Variants in AGPS observed in about 807,000 individuals in gnomAD.
AGPS encodes the protein alkyldihydroxyacetonephosphate synthase, peroxisomal.
In AGPS, 26 loss-of-function variants were observed where a neutral mutation model predicts 90.7. The ratio of observed to expected loss-of-function variants is 0.29; its 90% CI spans 0.21 to 0.40. AGPS has a LOEUF of 0.40. Among genes scored for constraint, AGPS ranks in the 10% least tolerant of loss-of-function variants. The probability of loss-of-function intolerance (pLI) is 1.00; values close to 1 mark genes in which losing one functional copy is unlikely to be tolerated. For missense variants in AGPS, 540 were observed against 816.1 expected, an observed-to-expected ratio of 0.66 and a Z score of 4.12; for synonymous variants, 294 against 285.3, an observed-to-expected ratio of 1.03 and a Z score of -0.31.
chr2:177,523,783 G>A lies in AGPS; in HGVS notation c.1833G>A (p.Gly611=), dbSNP rs1435058258. 6.2e-7 allele frequency: 1 copy of A among 1,613,916 alleles called. No homozygotes were observed. Among genetic ancestry groups the A allele is most frequent in the Non-Finnish European group, 8.5e-7 (1 of 1,179,836 alleles). The change falls in exon 19 of 20, where the codon GGG becomes GGA. Residue 611 remains glycine (G), a synonymous_variant. Transcript: ENST00000264167. ...AAREEILANG[G]SLSHHHGVGK... is the part of the protein sequence containing the mutation. ...GAGAAGAAATCCTTGCTAATGGAGGGAGCCTGTCACATCACCATGGAGGTA... is the reference window on the plus strand; with the variant it reads ...GAGAAGAAATCCTTGCTAATGGAGGAAGCCTGTCACATCACCATGGAGGTA...
rs911146723 is a variant in AGPS, at chr2:177,540,465, C to G, written c.*2270C>G. On this transcript the variant is annotated 3_prime_UTR_variant, in exon 20 of 20. Transcript: ENST00000264167. ...TCTGATTTAGTAAATCAGAAAGCCTCCCCCTACCCCCAGCCCCCACTTTCA... is the reference window on the plus strand; with the variant it reads ...TCTGATTTAGTAAATCAGAAAGCCTGCCCCTACCCCCAGCCCCCACTTTCA... The G allele has an allele frequency of 6.6e-6, 1 of 152,060 alleles. No individual in the cohort carries two copies. The highest frequency in any genetic ancestry group is 2.4e-5 in the African/African-American group (1 of 41,350). The allele number at this position is 152,060 out of a possible 1,614,324, so 9.4% of individuals were successfully genotyped here.
At chr2:177,472,794 A>G (rs902182895) in intron 10 of AGPS, among the ~76,000 whole-genome samples, 2 of 151,730 alleles carry the variant, frequency 1.3e-5, no homozygotes, top group Non-Finnish European at 2.9e-5. Flanking sequence ...ATTTCTCTTT[A>G]TTATTTTATT....
chr2:177,519,133 G>C (rs1252016847), intron 17 of AGPS, among the ~76,000 whole-genome samples: 1 of 152,038 alleles, frequency 6.6e-6, no homozygotes, highest in African/African-American at 2.4e-5. Context: ...TGTCAGAATT[G>C]TAGTTATTTT....
chr2:177,490,686 A>G (rs1688227829), intron 11 of AGPS, among the ~76,000 whole-genome samples: 1 of 152,046 alleles, frequency 6.6e-6, no homozygotes, highest in African/African-American at 2.4e-5. Context: ...CCTTTTTTCC[A>G]GCTTTTTAAT....
At chr2:177,436,492 C>T (rs532243696) in intron 3 of AGPS, among the ~76,000 whole-genome samples, 7 of 151,714 alleles carry the variant, frequency 4.6e-5, no homozygotes, top group East Asian at 3.9e-4. Context: ...GTAGATAGTG[C>T]GAAAGTCAAG....
At chr2:177,425,098 A>G (rs893043607) in intron 2 of AGPS, among the ~76,000 whole-genome samples, 1 of 152,108 alleles carries the variant, frequency 6.6e-6, no homozygotes, top group East Asian at 1.9e-4. Flanking sequence ...TCATTTGTCA[A>G]TTTTGGCTTT....
intron 10 of AGPS, among the ~76,000 whole-genome samples, chr2:177,477,767 A>G (rs1383334883): frequency 1.3e-5 from 2 of 152,138 alleles, no homozygotes; most frequent in Non-Finnish European, 2.9e-5. Context: ...CCTTAGCCCA[A>G]TAGAGCTTTA....
intron 8 of AGPS, among the ~76,000 whole-genome samples, chr2:177,454,050 C>T (rs180908606): frequency 6.1e-5 from 9 of 147,998 alleles, no homozygotes; most frequent in African/African-American, 2.2e-4. Context: ...TGTCATGGAC[C>T]TTGGTGTAGT....
intron 1 of AGPS, among the ~76,000 whole-genome samples, chr2:177,401,576 G>C (rs1244165889): frequency 6.7e-6 from 1 of 149,522 alleles, no homozygotes; most frequent in Non-Finnish European, 1.5e-5. Context: ...ACAGAGTCTC[G>C]CTCTGTTGCC....
At chr2:177,439,795 T>C (rs534414630) in intron 5 of AGPS, among the ~76,000 whole-genome samples, 5 of 152,272 alleles carry the variant, frequency 3.3e-5, no homozygotes, top group African/African-American at 1.2e-4. Flanking sequence ...TGCCATCTCT[T>C]ATTATATCAG....
intron 8 of AGPS, among the ~76,000 whole-genome samples, chr2:177,458,008 A>C (rs540047364): frequency 1.3e-5 from 2 of 152,364 alleles, no homozygotes; most frequent in East Asian, 3.9e-4. Flanking sequence ...AGTTGGCTTC[A>C]TACCTGGGAT....
At chr2:177,406,843 T>C (rs1011817059) in intron 1 of AGPS, among the ~76,000 whole-genome samples, 1 of 152,232 alleles carries the variant, frequency 6.6e-6, no homozygotes, top group Non-Finnish European at 1.5e-5. Flanking sequence ...ATGCTGCTTA[T>C]TAGATGGGAA....
chr2:177,512,826 C>T (rs1270245286), intron 16 of AGPS, among the ~76,000 whole-genome samples: 1 of 152,150 alleles, frequency 6.6e-6, no homozygotes, highest in African/African-American at 2.4e-5. Flanking sequence ...AGCTATCGAA[C>T]ATTTGATATA....
chr2:177,503,330 C>T (rs1688615564), intron 14 of AGPS, among the ~76,000 whole-genome samples: 1 of 152,100 alleles, frequency 6.6e-6, no homozygotes, highest in African/African-American at 2.4e-5. Flanking sequence ...TTGACATTTA[C>T]CATAGAACTT....
At chr2:177,446,525 G>A (rs1366669144) in intron 8 of AGPS, among the ~76,000 whole-genome samples, 1 of 152,128 alleles carries the variant, frequency 6.6e-6, no homozygotes, top group Non-Finnish European at 1.5e-5. Flanking sequence ...CTTGGTATTT[G>A]TATATTGGGT....
intron 1 of AGPS, among the ~76,000 whole-genome samples, chr2:177,418,213 C>A (rs1010849378): frequency 5.9e-5 from 9 of 151,974 alleles, no homozygotes; most frequent in African/African-American, 2.2e-4. Context: ...GAATATTACC[C>A]AACTTGAAAA....
chr2:177,407,098 G>A (rs1685487998), intron 1 of AGPS, among the ~76,000 whole-genome samples: 1 of 152,156 alleles, frequency 6.6e-6, no homozygotes, highest in South Asian at 2.1e-4. Flanking sequence ...TACTGTTCCT[G>A]TGACTGGGGA....
intron 16 of AGPS, among the ~76,000 whole-genome samples, chr2:177,508,248 A>G (rs1262502414): frequency 6.6e-6 from 1 of 152,208 alleles, no homozygotes; most frequent in Admixed American, 6.5e-5. Context: ...TCTGTGATCC[A>G]AAGAACGAAG....
intron 19 of AGPS, 94 bp from the exon 20 acceptor site, chr2:177,537,980 T>G: frequency 3.3e-6 from 5 of 1,493,374 alleles, no homozygotes; most frequent in Admixed American, 1.7e-5. Context: ...ATAAAAGCAT[T>G]TATCACACAG....
Sources: gnomAD v4.1 joint callset for allele counts (sites outside exome capture counted in the v4.1 genomes callset) on GRCh38, gnomAD v4.1.1 for gene constraint, MANE v1.5 for transcripts, NCBI Gene and HGNC (gene_info 2026-07-23, HGNC 2026-07-21) for gene names.